Variants in PUM2 observed in about 807,000 individuals in gnomAD.
PUM2 encodes pumilio homolog 2.
PUM2 carries 57 observed loss-of-function variants against 124.5 expected under a neutral mutation model. That is an observed-to-expected ratio of 0.46 (90% CI 0.37 to 0.57). The LOEUF (loss-of-function observed/expected upper bound fraction) is 0.57, where lower values mean the gene tolerates loss of function less well. PUM2 is among the 20% of genes least tolerant of loss of function. PUM2 has a pLI of 0.00. For missense variants in PUM2, 1,065 were observed against 1,290.6 expected (o/e 0.83, Z 2.68); for synonymous variants, 460 against 446.1 (o/e 1.03, Z -0.39).
chr2:20,325,457 A>G (rs1683430502), intron 2 of PUM2, among the ~76,000 whole-genome samples: 1 of 152,164 alleles, frequency 6.6e-6, no homozygotes, highest in Non-Finnish European at 1.5e-5. Flanking sequence ...CCTTTCAACC[A>G]CTGTTTCAGA....
In PUM2 at chr2:20,250,377, C is replaced by T. The variant is rs548703664; in HGVS notation, c.*1208G>A. The T allele has an allele frequency of 6.6e-6, 1 of 152,574 alleles. No homozygotes were observed. The highest frequency in any genetic ancestry group is 2.1e-4 in the South Asian group (1 of 4,828). 9.5% of individuals were successfully genotyped at this position (152,574 alleles called of 1,614,324 possible). ...ATTGCCAGGTCAAAGAGGGCAGGGA[C>T]GTAAATGTACACTAAAATGCAAATG... On this transcript the variant is annotated 3_prime_UTR_variant, in exon 21 of 21. Transcript: ENST00000361078.
At chr2:20,325,263 A>C (rs917112716) in intron 2 of PUM2, among the ~76,000 whole-genome samples, 9 of 152,220 alleles carry the variant, frequency 5.9e-5, no homozygotes, top group African/African-American at 2.2e-4. Flanking sequence ...AGAGCATCTT[A>C]AAATATATTT....
At position 20,308,429 on chromosome 2, in the gene PUM2, T is replaced by C; in HGVS notation, c.674A>G (p.Asp225Gly). The change falls in exon 6 of 21, where the codon GAT becomes GGT. Residue 225 changes from aspartate to glycine, a missense_variant. By Grantham distance (94) the Asp-to-Gly change is moderately conservative (BLOSUM62 -1). Coordinates refer to ENST00000361078, the MANE Select transcript of PUM2 (RefSeq NM_015317.5). Reference sequence around the variant, plus strand: ...TTCCAGACCAACTTGTTCCATGGCATCCAGATTCTGAGTTTCAGGATTTGA... The same window carrying C: ...TTCCAGACCAACTTGTTCCATGGCACCCAGATTCTGAGTTTCAGGATTTGA... ...EFSNPETQNL[D>G]AMEQVGLESL... 6.2e-7 allele frequency: 1 copy of C among 1,614,114 alleles called. No individual in the cohort carries two copies. The highest frequency in any genetic ancestry group is 8.5e-7 in the Non-Finnish European group (1 of 1,179,994).
chr2:20,351,431 G>T (rs1383692460), upstream of PUM2, among the ~76,000 whole-genome samples: 4 of 152,220 alleles, frequency 2.6e-5, no homozygotes, highest in African/African-American at 9.6e-5. Flanking sequence ...CAGGCAGGTG[G>T]AGCCAGCTCT....
intron 1 of PUM2, among the ~76,000 whole-genome samples, chr2:20,331,457 C>T (rs1189508142): frequency 2.0e-5 from 3 of 152,142 alleles, no homozygotes; most frequent in Non-Finnish European, 4.4e-5. Context: ...ATTTCAGTGA[C>T]TGAGCTTCGG....
Position 20,256,128 on chromosome 2 carries a change from C to A in PUM2, c.2527G>T (p.Val843Leu). ...ACATGGTTTCCATTCTGATCTTTCA[C>A]ACATTTGAGCACATGACCATCCAGC... Reference protein sequence around the residue: ...KELDGHVLKCVKDQNGNHVVQ... With the variant: ...KELDGHVLKCLKDQNGNHVVQ... Residue 843 changes from valine (V) to leucine (L), a missense_variant, in exon 17 of 21, where the codon GTG (valine) becomes TTG (leucine). By Grantham distance (32) the Val-to-Leu change is conservative. This residue lies in a region of PUM2 where 968 missense variants were observed against 1,159.8 expected (regional missense o/e 0.83). Coordinates refer to ENST00000361078, the MANE Select transcript of PUM2 (RefSeq NM_015317.5). 6.2e-7 allele frequency: 1 copy of A among 1,600,110 alleles called. No homozygotes were observed. The highest frequency in any genetic ancestry group is 8.5e-7 in the Non-Finnish European group (1 of 1,175,486).
chr2:20,323,549 T>G (rs1190904973), intron 2 of PUM2, among the ~76,000 whole-genome samples: 1 of 151,870 alleles, frequency 6.6e-6, no homozygotes, highest in Non-Finnish European at 1.5e-5. Context: ...TTATCAAACA[T>G]GACTTAACTT....
At chr2:20,269,990 T>C (rs1668649849) in intron 13 of PUM2, among the ~76,000 whole-genome samples, 1 of 152,172 alleles carries the variant, frequency 6.6e-6, no homozygotes, top group Admixed American at 6.5e-5. Context: ...ACCCACCCTG[T>C]CAATTTCCAT....
At chr2:20,281,155 C>T (rs1428829628) in intron 12 of PUM2, among the ~76,000 whole-genome samples, 3 of 152,056 alleles carry the variant, frequency 2.0e-5, no homozygotes, top group East Asian at 1.9e-4. Context: ...AGGAGAGATA[C>T]GATGGACTCT....
intron 12 of PUM2, among the ~76,000 whole-genome samples, chr2:20,279,666 C>T (rs1411142542): frequency 1.3e-5 from 2 of 152,050 alleles, no homozygotes; most frequent in Non-Finnish European, 2.9e-5. Context: ...AACTATTATC[C>T]TTCTAATCCT....
intron 1 of PUM2, among the ~76,000 whole-genome samples, chr2:20,340,547 A>T (rs557129701): frequency 6.6e-6 from 1 of 152,362 alleles, no homozygotes; most frequent in South Asian, 2.1e-4. Flanking sequence ...CACACATCAG[A>T]GTCCAGGTAG....
At chr2:20,260,278 T>C in intron 15 of PUM2, 59 bp downstream of exon 15, 1 of 1,450,416 alleles carries the variant, frequency 6.9e-7, no homozygotes, top group Middle Eastern at 2.0e-4. Context: ...AGAGCTTTTC[T>C]TAGCATCAAG....
chr2:20,278,885 T>C, intron 12 of PUM2, 66 bp from the exon 13 acceptor site: 3 of 1,169,506 alleles, frequency 2.6e-6, no homozygotes, highest in Non-Finnish European at 3.7e-6. Context: ...TATCCCCAAC[T>C]CTCGCTGGGC....
chr2:20,327,328 T>C lies in PUM2; in HGVS notation c.33A>G (p.Glu11=). 6.3e-7 allele frequency: 1 copy of C among 1,577,664 alleles called. No individual in the cohort carries two copies. The highest frequency in any genetic ancestry group is 1.3e-5 in the African/African-American group (1 of 74,136). ...CATTTACCTCTCCCATTCCCCGAGA[T>C]TCTAATGCAAGAGCTTGAAAATCAT... MNHDFQALAL[E]SRGMGELLPT... The change falls in exon 2 of 21, where the codon GAA becomes GAG. Residue 11 remains glutamate, a synonymous_variant. Coordinates refer to ENST00000361078, the MANE Select transcript of PUM2 (RefSeq NM_015317.5).
chr2:20,256,418 C>T (rs1446410035), intron 16 of PUM2, among the ~76,000 whole-genome samples: 1 of 152,086 alleles, frequency 6.6e-6, no homozygotes, highest in Non-Finnish European at 1.5e-5. Context: ...AAACACACTG[C>T]AGGATTATAA....
chr2:20,259,602 G>GT (rs1275923939), intron 15 of PUM2, among the ~76,000 whole-genome samples: 5 of 152,200 alleles, frequency 3.3e-5, no homozygotes, highest in South Asian at 4.1e-4. Context: ...GTTGTAGTAT[G>GT]TATCAGAACG....
intron 1 of PUM2, among the ~76,000 whole-genome samples, chr2:20,342,128 CAAA>C (rs776745768): frequency 3.2e-5 from 3 of 94,458 alleles, no homozygotes; most frequent in African/African-American, 4.5e-5. Flanking sequence ...GACTCTGTCT[CAAA>C]AAAAAAAAAA....
At chr2:20,346,568 C>T (rs181162313) in intron 1 of PUM2, among the ~76,000 whole-genome samples, 39 of 152,266 alleles carry the variant, frequency 2.6e-4, no homozygotes, top group Non-Finnish European at 5.1e-4. Flanking sequence ...TCAGAAACTG[C>T]CTAAAGTCAG....
intron 1 of PUM2, among the ~76,000 whole-genome samples, chr2:20,334,873 T>C (rs184652572): frequency 2.6e-5 from 4 of 152,184 alleles, no homozygotes; most frequent in Non-Finnish European, 5.9e-5. Flanking sequence ...AAAAACCTAG[T>C]TGAGTCACAA....
Sources: allele counts gnomAD v4.1 joint callset (sites outside exome capture counted in the v4.1 genomes callset), GRCh38; gene constraint gnomAD v4.1.1; regional missense constraint gnomAD v4.1.1; transcripts MANE v1.5; gene names NCBI Gene and HGNC (gene_info 2026-07-23, HGNC 2026-07-21).